DDAH1: variants seen among roughly 807,000 people sequenced by gnomAD.
The protein encoded by DDAH1 is dimethylarginine dimethylaminohydrolase 1.
DDAH1 carries 19 observed loss-of-function variants against 28.8 expected under a neutral mutation model. That is an observed-to-expected ratio of 0.66 (90% CI 0.46 to 0.97). The LOEUF (loss-of-function observed/expected upper bound fraction) is 0.97, where lower values mean the gene tolerates loss of function less well. Ranked by LOEUF, DDAH1 falls within the 50% of genes least tolerant of loss-of-function variation. DDAH1 has a pLI of 0.00. For synonymous variants in DDAH1, 153 were observed against 154.4 expected (o/e 0.99, Z 0.07); for missense variants, 326 against 375.9 (o/e 0.87, Z 1.10).
Position 85,341,546 on chromosome 1 carries a change from TG to T in DDAH1, c.597+8868del, listed in dbSNP as rs556763022. 8.8e-3 allele frequency among the ~76,000 whole-genome samples: 1,338 copies of T among 152,300 alleles called. 8 individuals carry two copies. The highest frequency in any genetic ancestry group is 0.015 in the Non-Finnish European group (1,038 of 68,014). On this transcript the variant is annotated intron_variant, in intron 4 of 5. Coordinates refer to ENST00000284031, the MANE Select transcript of DDAH1 (RefSeq NM_012137.4). ...ATAAAGATGTTCCGGCTGGGCGAGGTGGCTCACGCCTGTAATCCCAGCACTT... is the reference window on the plus strand; with the variant it reads ...ATAAAGATGTTCCGGCTGGGCGAGGTGCTCACGCCTGTAATCCCAGCACTT...
At chr1:85,566,571 T>C (rs566225828) in intron 1 of DDAH1, among the ~76,000 whole-genome samples, 2 of 151,040 alleles carry the variant, frequency 1.3e-5, no homozygotes, top group African/African-American at 2.4e-5. Context: ...ACCCAAACTA[T>C]AAGAAACCTA....
At chr1:85,344,764 G>C (rs967937688) in intron 4 of DDAH1, among the ~76,000 whole-genome samples, 6 of 152,262 alleles carry the variant, frequency 3.9e-5, no homozygotes, top group Middle Eastern at 3.4e-3. Context: ...AATTAATCCA[G>C]GTTTTTGGAA....
intron 1 of DDAH1, among the ~76,000 whole-genome samples, chr1:85,389,808 C>T (rs1379736941): frequency 6.6e-6 from 1 of 152,144 alleles, no homozygotes; most frequent in East Asian, 1.9e-4. Context: ...CCCTAAAAGA[C>T]AATGGAAGCA....
intron 5 of DDAH1, among the ~76,000 whole-genome samples, chr1:85,322,373 C>A (rs985405427): frequency 6.6e-6 from 1 of 152,196 alleles, no homozygotes; most frequent in South Asian, 2.1e-4. Context: ...CATCTTTTGA[C>A]ACTAATAGAA....
At chr1:85,358,630 C>T (rs1332292073) in intron 2 of DDAH1, 118 bp downstream of exon 2, 1 of 742,414 alleles carries the variant, frequency 1.3e-6, no homozygotes, top group East Asian at 2.8e-5. Flanking sequence ...GCCTAGGTGA[C>T]AGCGAGACTC....
chr1:85,538,045 C>A (rs1483601071), intron 1 of DDAH1, among the ~76,000 whole-genome samples: 1 of 152,080 alleles, frequency 6.6e-6, no homozygotes, highest in Non-Finnish European at 1.5e-5. Flanking sequence ...AAAATAAAAA[C>A]CATACCTGAT....
chr1:85,347,265 A>C (rs577106835), intron 4 of DDAH1, among the ~76,000 whole-genome samples: 31 of 152,146 alleles, frequency 2.0e-4, no homozygotes, highest in African/African-American at 7.5e-4. Flanking sequence ...CCCGTTACTG[A>C]GTATATACCC....
chr1:85,564,283 T>C (rs1659222194), intron 1 of DDAH1, among the ~76,000 whole-genome samples: 1 of 151,982 alleles, frequency 6.6e-6, no homozygotes, highest in Admixed American at 6.6e-5. Context: ...ATTAATGAAC[T>C]TGAGATATAG....
intron 2 of DDAH1, among the ~76,000 whole-genome samples, chr1:85,481,425 T>C (rs1211800045): frequency 6.6e-6 from 1 of 152,170 alleles, no homozygotes; most frequent in African/African-American, 2.4e-5. Context: ...GTAAGAGTTA[T>C]GTCTAGTCCA....
intron 1 of DDAH1, among the ~76,000 whole-genome samples, chr1:85,416,934 G>A (rs1652913316): frequency 1.3e-5 from 2 of 152,050 alleles, no homozygotes; most frequent in Non-Finnish European, 2.9e-5. Context: ...TCCCAAATAG[G>A]TGGGATTACA....
intron 1 of DDAH1, among the ~76,000 whole-genome samples, chr1:85,359,767 T>C (rs960760297): frequency 1.5e-4 from 23 of 152,336 alleles, no homozygotes; most frequent in African/African-American, 4.3e-4. Flanking sequence ...CAATGAATAT[T>C]TGAAAATAAA....
At chr1:85,425,240 TC>T (rs1380259126) in intron 1 of DDAH1, among the ~76,000 whole-genome samples, 2 of 152,162 alleles carry the variant, frequency 1.3e-5, no homozygotes, top group Non-Finnish European at 2.9e-5. Context: ...AGACAATCCA[TC>T]ACTTCTTTTT....
intron 1 of DDAH1, among the ~76,000 whole-genome samples, chr1:85,532,817 G>C (rs1462966253): frequency 2.0e-5 from 3 of 152,320 alleles, no homozygotes; most frequent in African/African-American, 7.2e-5. Context: ...TCATTAGAAA[G>C]TATATGACAT....
intron 1 of DDAH1, among the ~76,000 whole-genome samples, chr1:85,564,999 A>C (rs112214714): frequency 6.6e-6 from 1 of 152,166 alleles, no homozygotes; most frequent in East Asian, 1.9e-4. Context: ...GTTTGAGACC[A>C]GCCTGGCCAA....
At chr1:85,525,795 T>A (rs1657850727) in intron 1 of DDAH1, among the ~76,000 whole-genome samples, 1 of 152,074 alleles carries the variant, frequency 6.6e-6, no homozygotes, top group African/African-American at 2.4e-5. Context: ...CCGGGTGAGC[T>A]CACAGGTTAA....
intron 1 of DDAH1, among the ~76,000 whole-genome samples, chr1:85,560,709 A>G (rs1005497658): frequency 6.6e-6 from 1 of 152,090 alleles, no homozygotes; most frequent in Admixed American, 6.5e-5. Context: ...AATAATAAAA[A>G]AGAATAAGGC....
At chr1:85,394,026 TTTAA>T (rs1253584116) in intron 1 of DDAH1, among the ~76,000 whole-genome samples, 1 of 152,208 alleles carries the variant, frequency 6.6e-6, no homozygotes, top group African/African-American at 2.4e-5. Context: ...ATGAAAAAGC[TTTAA>T]TTAATTGGCT....
intron 4 of DDAH1, among the ~76,000 whole-genome samples, chr1:85,341,362 CAG>C (rs1286524815): frequency 2.0e-5 from 3 of 152,174 alleles, no homozygotes; most frequent in South Asian, 2.1e-4. Context: ...CTTTTCCTAT[CAG>C]AGTTTTATGT....
At chr1:85,478,123 G>A (rs1360276355) in intron 2 of DDAH1, among the ~76,000 whole-genome samples, 1 of 152,138 alleles carries the variant, frequency 6.6e-6, no homozygotes, top group African/African-American at 2.4e-5. Flanking sequence ...TTTCTTCTGT[G>A]AGAATGCTGA....
Sources: gnomAD v4.1 joint callset for allele counts (sites outside exome capture counted in the v4.1 genomes callset) on GRCh38, gnomAD v4.1.1 for gene constraint, MANE v1.5 for transcripts, NCBI Gene and HGNC (gene_info 2026-07-23, HGNC 2026-07-21) for gene names.